Variants in WNK1 observed in about 807,000 individuals in gnomAD.
WNK1 encodes serine/threonine-protein kinase WNK1.
Under a neutral mutation model 222.8 loss-of-function variants are expected in WNK1, and 38 were observed. The ratio of observed to expected loss-of-function variants is 0.17; its 90% CI spans 0.13 to 0.22. WNK1 has a LOEUF of 0.22. Ranked by LOEUF, WNK1 falls within the 10% of genes least tolerant of loss-of-function variation. The pLI is 1.00. For synonymous variants in WNK1, 1,090 were observed against 1,092.9 expected, an observed-to-expected ratio of 1.00 and a Z score of 0.05; for missense variants, 2,348 against 2,918.4, an observed-to-expected ratio of 0.80 and a Z score of 4.50.
chr12:824,475 AG>A (rs1396626601), intron 2 of WNK1, among the ~76,000 whole-genome samples: 1 of 152,176 alleles, frequency 6.6e-6, no homozygotes, highest in Admixed American at 6.5e-5. Context: ...CCCAAAGAAT[AG>A]GTTCTTAAAA....
intron 1 of WNK1, among the ~76,000 whole-genome samples, chr12:757,119 A>T (rs1314659846): frequency 6.7e-6 from 1 of 149,452 alleles, no homozygotes; most frequent in African/African-American, 2.5e-5. Context: ...TTTCTGGAGA[A>T]ACCCGGTCCT....
intron 22 of WNK1, 55 bp from the exon 23 acceptor site, chr12:894,507 A>G (rs1410583756): frequency 4.8e-6 from 7 of 1,467,232 alleles, no homozygotes; most frequent in Admixed American, 3.3e-5. Context: ...TAAAGGGAAA[A>G]GAAGTTAACT....
At chr12:825,916 A>G (rs1948323183) in intron 2 of WNK1, among the ~76,000 whole-genome samples, 1 of 152,204 alleles carries the variant, frequency 6.6e-6, no homozygotes, top group African/African-American at 2.4e-5. Flanking sequence ...TAAAATAGGC[A>G]TTGGAACTCA....
intron 9 of WNK1, among the ~76,000 whole-genome samples, chr12:877,422 T>G (rs757774785): frequency 1.8e-4 from 27 of 152,130 alleles, no homozygotes; most frequent in Non-Finnish European, 3.1e-4. Flanking sequence ...AGTCCTGTTT[T>G]GTTTGGTTTT....
intron 4 of WNK1, among the ~76,000 whole-genome samples, chr12:835,275 T>C (rs1440011712): frequency 6.6e-6 from 1 of 151,848 alleles, no homozygotes; most frequent in Non-Finnish European, 1.5e-5. Context: ...GAGGTGGAGG[T>C]TGCAGTGAGC....
chr12:818,049 A>G lies in WNK1; in HGVS notation c.932+4235A>G, dbSNP rs369723814. ...GAAATTCAAATATCATACAATTAAC[A>G]TTTTAGAAAGTACAATTCAGTGGCA... On this transcript the variant is annotated intron_variant, in intron 2 of 27. Transcript: ENST00000315939. 3.9e-5 allele frequency among the ~76,000 whole-genome samples: 6 copies of G among 152,352 alleles called. No homozygotes were observed. The East Asian group carries it at 7.7e-4, about 20-fold the overall frequency.
intron 22 of WNK1, among the ~76,000 whole-genome samples, chr12:892,959 A>G (rs967195039): frequency 7.9e-5 from 12 of 152,372 alleles, no homozygotes; most frequent in Non-Finnish European, 1.0e-4. Flanking sequence ...TTTCTAAAAT[A>G]GCAAGAAATT....
At chr12:901,609 G>GT (rs1316613357) in intron 26 of WNK1, 1 of 1,289,108 alleles carries the variant, frequency 7.8e-7, no homozygotes. Context: ...TTCAAACCTG[G>GT]TGGCAGGAGG....
intron 1 of WNK1, among the ~76,000 whole-genome samples, chr12:807,602 C>A (rs1946482144): frequency 6.6e-6 from 1 of 151,934 alleles, no homozygotes; most frequent in Non-Finnish European, 1.5e-5. Flanking sequence ...CTTTGGCAAA[C>A]CCTCATTACC....
chr12:902,697 G>T (rs1297724739), intron 26 of WNK1, among the ~76,000 whole-genome samples: 1 of 152,218 alleles, frequency 6.6e-6, no homozygotes, highest in Non-Finnish European at 1.5e-5. Context: ...GTGAAATGGA[G>T]ATGATGCCAG....
chr12:773,408 C>T (rs1048702678), intron 1 of WNK1, among the ~76,000 whole-genome samples: 1 of 152,084 alleles, frequency 6.6e-6, no homozygotes, highest in African/African-American at 2.4e-5. Flanking sequence ...TACTCTAGAG[C>T]ATACCAAAGA....
At chr12:901,368 C>T (rs753582913) in intron 26 of WNK1, among the ~76,000 whole-genome samples, 4 of 152,176 alleles carry the variant, frequency 2.6e-5, no homozygotes, top group Admixed American at 6.5e-5. Flanking sequence ...GAAAAGCTTC[C>T]GCATTTTGCA....
At chr12:840,040 T>C (rs1949502887) in intron 4 of WNK1, among the ~76,000 whole-genome samples, 1 of 152,018 alleles carries the variant, frequency 6.6e-6, no homozygotes, top group Non-Finnish European at 1.5e-5. Flanking sequence ...TCTGTCGTAT[T>C]CTAAATGGAG....
intron 2 of WNK1, among the ~76,000 whole-genome samples, chr12:814,420 A>T (rs1947171156): frequency 6.6e-6 from 1 of 151,820 alleles, no homozygotes. Context: ...GAAACTACCT[A>T]TTTTTTTCAT....
chr12:758,171 C>T (rs978639003), intron 1 of WNK1, among the ~76,000 whole-genome samples: 1 of 146,342 alleles, frequency 6.8e-6, no homozygotes, highest in Non-Finnish European at 1.5e-5. Flanking sequence ...GAGATTGTTT[C>T]CACATCTACC....
intron 2 of WNK1, among the ~76,000 whole-genome samples, chr12:825,917 T>C (rs190362766): frequency 6.6e-6 from 1 of 152,344 alleles, no homozygotes; most frequent in East Asian, 1.9e-4. Flanking sequence ...AAAATAGGCA[T>C]TGGAACTCAA....
At chr12:801,423 TTGTGTGTGTGTGTG>T (rs367875366) in intron 1 of WNK1, among the ~76,000 whole-genome samples, 71 of 143,988 alleles carry the variant, frequency 4.9e-4, no homozygotes, top group East Asian at 1.2e-3. Flanking sequence ...CTTTTTTTCT[TTGTGTGTGTGTGTG>T]TGTGTGTGTG....
intron 12 of WNK1, 199 bp from the exon 13 acceptor site, chr12:881,493 A>T (rs1208722944): frequency 3.2e-6 from 2 of 622,074 alleles, no homozygotes; most frequent in Non-Finnish European, 2.9e-6. Flanking sequence ...TGCAGTCTAT[A>T]CCAGAGACTA....
chr12:793,537 A>G (rs1227911189), intron 1 of WNK1, among the ~76,000 whole-genome samples: 1 of 152,154 alleles, frequency 6.6e-6, no homozygotes, highest in Non-Finnish European at 1.5e-5. Flanking sequence ...AAGGATCAGG[A>G]TAATAGAGAT....
Sources: gnomAD v4.1 joint callset for allele counts (sites outside exome capture counted in the v4.1 genomes callset) on GRCh38, gnomAD v4.1.1 for gene constraint, MANE v1.5 for transcripts, NCBI Gene and HGNC (gene_info 2026-07-23, HGNC 2026-07-21) for gene names.